Variants in REEP1 observed in about 807,000 individuals in gnomAD.
REEP1 encodes the protein receptor accessory protein 1, also known as receptor expression-enhancing protein 1.
REEP1 carries 22 observed loss-of-function variants against 40.3 expected under a neutral mutation model. The observed-to-expected ratio is 0.55, with a 90% confidence interval of 0.39 to 0.78. The LOEUF (loss-of-function observed/expected upper bound fraction) is 0.78, where lower values mean the gene tolerates loss of function less well. Ranked by LOEUF, REEP1 falls within the 30% of genes least tolerant of loss-of-function variation. The pLI is 0.00. For synonymous variants in REEP1, 116 were observed against 139.2 expected, an observed-to-expected ratio of 0.83 and a Z score of 1.17; for missense variants, 280 against 361.1, an observed-to-expected ratio of 0.78 and a Z score of 1.82.
At chr2:86,326,637 G>A (rs1419533986) in intron 1 of REEP1, among the ~76,000 whole-genome samples, 2 of 152,110 alleles carry the variant, frequency 1.3e-5, no homozygotes, top group Non-Finnish European at 2.9e-5. Context: ...GCCTGAACCC[G>A]GGAGGCGGAG....
At chr2:86,319,523 C>T (rs896826359) in intron 1 of REEP1, among the ~76,000 whole-genome samples, 1 of 152,092 alleles carries the variant, frequency 6.6e-6, no homozygotes, top group Non-Finnish European at 1.5e-5. Flanking sequence ...GGCAAAACCC[C>T]GTCTCTACTA....
intron 1 of REEP1, among the ~76,000 whole-genome samples, chr2:86,335,347 A>G (rs1193917406): frequency 6.6e-6 from 1 of 152,190 alleles, no homozygotes; most frequent in East Asian, 1.9e-4. Context: ...ACTGGGGGAT[A>G]AGTGGTATCC....
At chr2:86,244,805 T>C (rs1675844477) in intron 5 of REEP1, among the ~76,000 whole-genome samples, 1 of 152,154 alleles carries the variant, frequency 6.6e-6, no homozygotes, top group Non-Finnish European at 1.5e-5. Context: ...CTTTCTTCAA[T>C]AATGGAAATG....
intron 8 of REEP1, among the ~76,000 whole-genome samples, chr2:86,217,666 A>ATTTTTT (rs10668934): frequency 5.4e-4 from 61 of 112,896 alleles, no homozygotes; most frequent in African/African-American, 1.7e-3. Flanking sequence ...GGGATTTCAG[A>ATTTTTT]TTTTTTTTTT....
At chr2:86,280,784 G>A (rs1291864951) in intron 2 of REEP1, among the ~76,000 whole-genome samples, 4 of 152,150 alleles carry the variant, frequency 2.6e-5, no homozygotes, top group African/African-American at 9.7e-5. Flanking sequence ...GGGAGATTGC[G>A]GGGTGGGGTG....
At chr2:86,223,183 G>A (rs964561376) in intron 7 of REEP1, among the ~76,000 whole-genome samples, 4 of 152,350 alleles carry the variant, frequency 2.6e-5, no homozygotes, top group African/African-American at 7.2e-5. Context: ...CCACAGCAGG[G>A]GAATGGGTGT....
At chr2:86,302,296 C>T (rs1337521858) in intron 1 of REEP1, among the ~76,000 whole-genome samples, 4 of 152,216 alleles carry the variant, frequency 2.6e-5, no homozygotes, top group African/African-American at 7.2e-5. Flanking sequence ...CAACCTGGCT[C>T]CTATCACAAG....
chr2:86,253,236 G>A (rs535012385), intron 4 of REEP1, among the ~76,000 whole-genome samples: 15 of 152,288 alleles, frequency 9.8e-5, no homozygotes, highest in African/African-American at 2.4e-4. Context: ...AGCCGAGATC[G>A]TGCCACTGCA....
At chr2:86,217,195 A>G (rs1674160473) in intron 8 of REEP1, 85 bp from the exon 9 acceptor site, 2 of 1,189,340 alleles carry the variant, frequency 1.7e-6, no homozygotes, top group Non-Finnish European at 2.5e-6. Context: ...CATTGTGTTG[A>G]GACTTCCAGC....
At chr2:86,320,215 C>T (rs986664401) in intron 1 of REEP1, among the ~76,000 whole-genome samples, 7 of 152,192 alleles carry the variant, frequency 4.6e-5, no homozygotes, top group Admixed American at 1.3e-4. Flanking sequence ...AAGAGGAAAC[C>T]GTATTTCCCC....
At chr2:86,237,329 A>G (rs1414200623) in intron 5 of REEP1, among the ~76,000 whole-genome samples, 1 of 152,234 alleles carries the variant, frequency 6.6e-6, no homozygotes, top group East Asian at 1.9e-4. Context: ...CAGAAACAAC[A>G]GCTCGACATC....
intron 1 of REEP1, among the ~76,000 whole-genome samples, chr2:86,285,694 T>C (rs527420843): frequency 6.2e-4 from 95 of 152,254 alleles, no homozygotes; most frequent in African/African-American, 2.2e-3. Context: ...AGTCAGATCA[T>C]ATAGTCCTGG....
Position 86,337,570 on chromosome 2 carries a change from C to A in REEP1, c.-60G>T. ...CGGCTCGGCTAGGCTGCGGGCGGCGCGGGCTGCTGCGGCGTTCCCGGAACG... is the reference window on the plus strand; with the variant it reads ...CGGCTCGGCTAGGCTGCGGGCGGCGAGGGCTGCTGCGGCGTTCCCGGAACG... On this transcript the variant is annotated 5_prime_UTR_variant, in exon 1 of 9. Transcript: ENST00000538924. The surrounding 1 kb of genome is among the most constrained non-coding windows in gnomAD (Gnocchi z 5.8). 1 of 1,193,096 alleles carries A rather than the reference C, an allele frequency of 8.4e-7. No individual in the cohort carries two copies. Among genetic ancestry groups the A allele is most frequent in the East Asian group, 3.7e-5 (1 of 26,908 alleles). 73.9% of individuals were successfully genotyped at this position (1,193,096 alleles called of 1,614,324 possible).
chr2:86,245,890 G>A (rs544435202), intron 5 of REEP1, among the ~76,000 whole-genome samples: 32 of 151,166 alleles, frequency 2.1e-4, no homozygotes, highest in African/African-American at 7.5e-4. Context: ...TCAGCCTCCC[G>A]AGTAGCTGGG....
At chr2:86,284,021 G>A (rs28488524) in intron 1 of REEP1, among the ~76,000 whole-genome samples, 64,329 of 151,916 alleles carry the variant, frequency 0.42, 14,064 homozygotes, top group East Asian at 0.58. Context: ...GTAGGCCTGG[G>A]GGTGAGGGGG....
intron 5 of REEP1, among the ~76,000 whole-genome samples, chr2:86,242,231 C>T (rs1675706121): frequency 6.6e-6 from 1 of 152,186 alleles, no homozygotes; most frequent in Admixed American, 6.5e-5. Context: ...GCGAGGTTCA[C>T]AGAGGTGCAG....
At chr2:86,296,185 A>C (rs776648462) in intron 1 of REEP1, among the ~76,000 whole-genome samples, 1 of 152,260 alleles carries the variant, frequency 6.6e-6, no homozygotes. Flanking sequence ...GGGGAAAAAA[A>C]GTTACCAGTA....
At chr2:86,245,820 A>T (rs1675911636) in intron 5 of REEP1, among the ~76,000 whole-genome samples, 1 of 147,788 alleles carries the variant, frequency 6.8e-6, no homozygotes. Flanking sequence ...GCTGGAGTGC[A>T]GTGGTGCTAT....
At chr2:86,336,237 A>T (rs1486758212) in intron 1 of REEP1, among the ~76,000 whole-genome samples, 1 of 152,214 alleles carries the variant, frequency 6.6e-6, no homozygotes, top group Non-Finnish European at 1.5e-5. Context: ...CCCCGCAGTC[A>T]GGAACAGCTG....
Sources: allele counts gnomAD v4.1 joint callset (sites outside exome capture counted in the v4.1 genomes callset), GRCh38; gene constraint gnomAD v4.1.1; non-coding constraint Gnocchi (gnomAD v3.1); transcripts MANE v1.5; gene names NCBI Gene and HGNC (gene_info 2026-07-23, HGNC 2026-07-21).